The following CHODL variants were observed in gnomAD, a reference collection of about 807,000 sequenced individuals.
The protein encoded by CHODL is transmembrane protein MT75.
CHODL carries 29 observed loss-of-function variants against 34.5 expected under a neutral mutation model. The observed-to-expected ratio is 0.84, with a 90% confidence interval of 0.63 to 1.15. The LOEUF is 1.15. CHODL is among the 50% of genes most tolerant of loss of function. The probability of loss-of-function intolerance (pLI) is 0.00; values close to 1 mark genes in which losing one functional copy is unlikely to be tolerated. For synonymous variants in CHODL, 125 were observed against 116.1 expected (o/e 1.08, Z -0.49); for missense variants, 332 against 332.5 (o/e 1.00, Z 0.01).
chr21:18,246,285 GTT>G (rs5842678), intron 1 of CHODL, among the ~76,000 whole-genome samples: 1 of 152,068 alleles, frequency 6.6e-6, no homozygotes, highest in South Asian at 2.1e-4. Flanking sequence ...AGGGTGAAAA[GTT>G]TTTTTAAAAC....
At chr21:18,116,348 C>T (rs1568894518) in intron 2 of CHODL, among the ~76,000 whole-genome samples, 1 of 152,036 alleles carries the variant, frequency 6.6e-6, no homozygotes, top group Non-Finnish European at 1.5e-5. Flanking sequence ...TTAGAGGTTC[C>T]AATACCTAAC....
intron 2 of CHODL, among the ~76,000 whole-genome samples, chr21:18,199,358 C>T (rs968041816): frequency 1.2e-4 from 19 of 152,080 alleles, no homozygotes; most frequent in African/African-American, 2.7e-4. Context: ...GAAAATTGAG[C>T]AGATAGCACA....
chr21:18,167,713 T>A (rs2073175945), intron 2 of CHODL, among the ~76,000 whole-genome samples: 1 of 152,208 alleles, frequency 6.6e-6, no homozygotes. Context: ...ATTTTTGTTA[T>A]TTAAACTAAC....
intron 1 of CHODL, among the ~76,000 whole-genome samples, chr21:17,935,854 G>T (rs1210757797): frequency 1.3e-5 from 2 of 152,160 alleles, no homozygotes; most frequent in Non-Finnish European, 2.9e-5. Flanking sequence ...TGATGTAAGG[G>T]ATAGAGAGAA....
intron 1 of CHODL, among the ~76,000 whole-genome samples, chr21:18,023,310 A>C (rs158043): frequency 0.24 from 37,189 of 151,812 alleles, 5,842 homozygotes; most frequent in African/African-American, 0.45. Context: ...CTGCTGTGAA[A>C]AACTGGGTGG....
chr21:18,133,071 A>G (rs1233664457), intron 2 of CHODL, among the ~76,000 whole-genome samples: 3 of 151,440 alleles, frequency 2.0e-5, no homozygotes, highest in Non-Finnish European at 3.0e-5. Flanking sequence ...ATTAAATTAC[A>G]CTCCATAATA....
At chr21:18,185,874 T>C (rs1457603085) in intron 2 of CHODL, among the ~76,000 whole-genome samples, 1 of 152,174 alleles carries the variant, frequency 6.6e-6, no homozygotes, top group Non-Finnish European at 1.5e-5. Context: ...CTAGGGTCTC[T>C]CATAAAATTA....
intron 2 of CHODL, among the ~76,000 whole-genome samples, chr21:18,181,605 T>C (rs1332520944): frequency 2.6e-5 from 4 of 152,192 alleles, no homozygotes; most frequent in Non-Finnish European, 5.9e-5. Flanking sequence ...GGTTTCACCG[T>C]GGTCTGGATA....
At chr21:18,109,928 C>T (rs2065326225) in intron 2 of CHODL, among the ~76,000 whole-genome samples, 1 of 152,058 alleles carries the variant, frequency 6.6e-6, no homozygotes, top group South Asian at 2.1e-4. Flanking sequence ...GACATGTGCT[C>T]TCTTACAGGT....
Position 18,094,609 on chromosome 21 carries a change from G to T in CHODL, c.-45+66638G>T, listed in dbSNP as rs576386433. On this transcript the variant is annotated intron_variant, in intron 2 of 6. Coordinates refer to the CHODL transcript ENST00000400127. The stretch of plus-strand genomic sequence containing the variant: ...ACAATATGCTTCTGAATAACCAGGG[G>T]GTCAATGAATAAATTAAGAAGGAAA... 3.3e-5 allele frequency among the ~76,000 whole-genome samples: 5 copies of T among 151,820 alleles called. No individual in the cohort carries two copies. The South Asian group carries it at 1.0e-3, about 32-fold the overall frequency.
chr21:18,087,950 A>G (rs1164749449), intron 2 of CHODL, among the ~76,000 whole-genome samples: 1 of 152,112 alleles, frequency 6.6e-6, no homozygotes, highest in Non-Finnish European at 1.5e-5. Context: ...GGGGAAGAGG[A>G]AGGAGGCACG....
At chr21:17,932,349 T>A (rs149277673) in intron 1 of CHODL, among the ~76,000 whole-genome samples, 396 of 152,334 alleles carry the variant, frequency 2.6e-3, no homozygotes, top group Middle Eastern at 6.8e-3. Context: ...ACTTATACAC[T>A]GTTTGTGGGA....
chr21:18,250,774 T>C (rs1280483452), intron 1 of CHODL, among the ~76,000 whole-genome samples: 1 of 151,796 alleles, frequency 6.6e-6, no homozygotes, highest in Non-Finnish European at 1.5e-5. Flanking sequence ...AAGAAAAAAA[T>C]ATCTTGTGTG....
intron 1 of CHODL, among the ~76,000 whole-genome samples, chr21:17,978,672 C>A (rs2063689425): frequency 6.7e-6 from 1 of 149,800 alleles, no homozygotes; most frequent in Non-Finnish European, 1.5e-5. Flanking sequence ...GAGCCGAGAT[C>A]ATGCCACTGC....
intron 2 of CHODL, among the ~76,000 whole-genome samples, chr21:18,201,800 C>CTTTTT (rs547855975): frequency 1.5e-3 from 166 of 114,376 alleles, no homozygotes; most frequent in Middle Eastern, 5.7e-3. Flanking sequence ...TTTTTAAAAA[C>CTTTTT]TTTTTTTTTT....
chr21:18,090,854 C>T (rs539020919), intron 2 of CHODL, among the ~76,000 whole-genome samples: 23 of 152,156 alleles, frequency 1.5e-4, no homozygotes, highest in Admixed American at 3.3e-4. Flanking sequence ...TAACAACTAT[C>T]TGCACACAGT....
At chr21:17,958,983 T>G (rs197544) in intron 1 of CHODL, among the ~76,000 whole-genome samples, 2 of 151,754 alleles carry the variant, frequency 1.3e-5, no homozygotes, top group Non-Finnish European at 2.9e-5. Context: ...TTAGGTTTCT[T>G]CAGCTTGCTC....
chr21:17,919,819 C>G (rs1206758333), intron 1 of CHODL, among the ~76,000 whole-genome samples: 1 of 152,162 alleles, frequency 6.6e-6, no homozygotes, highest in African/African-American at 2.4e-5. Flanking sequence ...TTTAACAGCA[C>G]CCAAGTCACC....
At chr21:18,079,472 T>A (rs1159357580) in intron 2 of CHODL, among the ~76,000 whole-genome samples, 1 of 148,648 alleles carries the variant, frequency 6.7e-6, no homozygotes, top group East Asian at 1.9e-4. Context: ...ATATATCACA[T>A]ATATATACCA....
Sources: gnomAD v4.1 joint callset for allele counts (sites outside exome capture counted in the v4.1 genomes callset) on GRCh38, gnomAD v4.1.1 for gene constraint, MANE v1.5 for transcripts, NCBI Gene and HGNC (gene_info 2026-07-23, HGNC 2026-07-21) for gene names.